MBNL1: variants seen among roughly 807,000 people sequenced by gnomAD.
MBNL1 encodes muscleblind-like protein 1.
MBNL1 carries 8 observed loss-of-function variants against 42.2 expected under a neutral mutation model. That is an observed-to-expected ratio of 0.19 (90% CI 0.11 to 0.34). The LOEUF (loss-of-function observed/expected upper bound fraction) is 0.34. Ranked by LOEUF, MBNL1 falls within the 10% of genes least tolerant of loss-of-function variation. The pLI, the probability that MBNL1 is intolerant of heterozygous loss-of-function variation, is 1.00. For missense variants in MBNL1, 309 were observed against 495.3 expected (o/e 0.62, Z 3.57); for synonymous variants, 169 against 173.9 (o/e 0.97, Z 0.22).
At chr3:152,310,493 A>G (rs915173405) in intron 2 of MBNL1, among the ~76,000 whole-genome samples, 10 of 152,238 alleles carry the variant, frequency 6.6e-5, no homozygotes, top group Non-Finnish European at 1.5e-4. Context: ...GTGACCTCGT[A>G]TAGACAAAAA....
At chr3:152,377,976 A>G (rs2096986976) in intron 2 of MBNL1, among the ~76,000 whole-genome samples, 1 of 152,182 alleles carries the variant, frequency 6.6e-6, no homozygotes, top group South Asian at 2.1e-4. Context: ...CCTGCTGTAT[A>G]TTGTTTTATG....
chr3:152,315,459 CAG>C (rs1221188801), intron 2 of MBNL1, among the ~76,000 whole-genome samples: 2 of 152,106 alleles, frequency 1.3e-5, no homozygotes, highest in African/African-American at 4.8e-5. Flanking sequence ...GAGGAAATTA[CAG>C]AGATAGAAAA....
chr3:152,392,372 G>T (rs899792061), intron 2 of MBNL1, among the ~76,000 whole-genome samples: 1 of 152,154 alleles, frequency 6.6e-6, no homozygotes, highest in African/African-American at 2.4e-5. Flanking sequence ...CATTGGAGTG[G>T]TGTTAATGGG....
chr3:152,248,232 C>G (rs1372641201), intron 2 of MBNL1, among the ~76,000 whole-genome samples: 1 of 151,914 alleles, frequency 6.6e-6, no homozygotes, highest in Non-Finnish European at 1.5e-5. Context: ...ATTGGAGGAG[C>G]AGCAAAAACA....
intron 6 of MBNL1, among the ~76,000 whole-genome samples, chr3:152,448,796 C>G (rs1185711496): frequency 6.6e-6 from 1 of 151,948 alleles, no homozygotes; most frequent in Non-Finnish European, 1.5e-5. Context: ...TTAATACTAA[C>G]CATAAGTTTT....
At chr3:152,389,484 G>T (rs946804850) in intron 2 of MBNL1, among the ~76,000 whole-genome samples, 4 of 152,086 alleles carry the variant, frequency 2.6e-5, no homozygotes, top group Admixed American at 1.3e-4. Context: ...TAGAGTATAC[G>T]TGCACACACC....
chr3:152,287,176 C>G (rs901653740), intron 1 of MBNL1, among the ~76,000 whole-genome samples: 1 of 150,882 alleles, frequency 6.6e-6, no homozygotes, highest in Admixed American at 6.6e-5. Context: ...GATCACACCA[C>G]TGCACTCCAG....
intron 1 of MBNL1, among the ~76,000 whole-genome samples, chr3:152,284,562 AAAAG>A (rs747440927): frequency 1.1e-4 from 17 of 151,984 alleles, no homozygotes; most frequent in Non-Finnish European, 2.2e-4. Context: ...CAGTTTTAAA[AAAAG>A]ATCGCAAAAA....
At chr3:152,430,649 A>AT (rs3836440) in intron 3 of MBNL1, among the ~76,000 whole-genome samples, 33,115 of 152,220 alleles carry the variant, frequency 0.22, 3,841 homozygotes, top group South Asian at 0.29. Context: ...TATATTCAGT[A>AT]TACAATCAAT....
At position 152,456,254 on chromosome 3, in the gene MBNL1, T is replaced by G. The variant is rs760286708; in HGVS notation, c.998-13T>G. On this transcript the variant is annotated splice_polypyrimidine_tract_variant and intron_variant, in intron 7 of 9. Coordinates refer to ENST00000324210, the MANE Select transcript of MBNL1 (RefSeq NM_021038.5). The stretch of plus-strand genomic sequence containing the variant: ...CTTCTGTATGTTCGCTTATATGATT[T>G]TCCCTCCGAAAGTTCCCATGGTGCA... 4 of 1,594,110 alleles carry G rather than the reference T, an allele frequency of 2.5e-6. No individual in the cohort carries two copies. Among genetic ancestry groups the G allele is most frequent in the Non-Finnish European group, 2.6e-6 (3 of 1,161,794 alleles).
Position 152,445,459 on chromosome 3 carries a change from T to C in MBNL1, c.727T>C (p.Leu243=). The change falls in exon 5 of 10, where the codon TTG becomes CTG. Residue 243 remains leucine, a synonymous_variant. Transcript: ENST00000324210. ...KCKYFHPPAH[L]QAKIKAAQYQ... The stretch of plus-strand genomic sequence containing the variant: ...CAAATACTTTCATCCCCCTGCACAT[T>C]TGCAAGCCAAGATCAAGGCTGCCCA... The C allele has an allele frequency of 1.9e-6, 3 of 1,614,056 alleles. No individual in the cohort carries two copies. The highest frequency in any genetic ancestry group is 2.5e-6 in the Non-Finnish European group (3 of 1,179,976).
intron 6 of MBNL1, among the ~76,000 whole-genome samples, chr3:152,451,672 A>G (rs1371436086): frequency 2.0e-5 from 3 of 152,184 alleles, no homozygotes; most frequent in African/African-American, 7.2e-5. Context: ...TTTAGATAGG[A>G]CACATACTGT....
rs774531679 is a variant in MBNL1, at chr3:152,319,175, G to A, written c.174+18808G>A. On this transcript the variant is annotated intron_variant, in intron 2 of 9. Transcript: ENST00000324210. The stretch of plus-strand genomic sequence containing the variant: ...TTCACGGAAAACCTTTTTTTGGGGG[G>A]CCTAAGTTTAAAATGTGTTTTTTCT... 3.3e-5 allele frequency among the ~76,000 whole-genome samples: 5 copies of A among 152,092 alleles called. No individual in the cohort carries two copies. The East Asian group carries it at 5.8e-4, about 18-fold the overall frequency.
At chr3:152,378,364 G>T (rs1006853934) in intron 2 of MBNL1, among the ~76,000 whole-genome samples, 1 of 151,950 alleles carries the variant, frequency 6.6e-6, no homozygotes, top group African/African-American at 2.4e-5. Context: ...GTATGTTCTA[G>T]CTACTCAAGA....
At chr3:152,402,300 C>T (rs1269727701) in intron 2 of MBNL1, among the ~76,000 whole-genome samples, 2 of 152,068 alleles carry the variant, frequency 1.3e-5, no homozygotes, top group Admixed American at 1.3e-4. Context: ...TATATATTCC[C>T]CCATTTAATA....
At chr3:152,380,232 T>C (rs370792512) in intron 2 of MBNL1, among the ~76,000 whole-genome samples, 4 of 152,138 alleles carry the variant, frequency 2.6e-5, no homozygotes, top group African/African-American at 9.7e-5. Context: ...GCCCACAGAA[T>C]TTAACATTAA....
At chr3:152,302,766 A>T (rs1474867520) in intron 2 of MBNL1, among the ~76,000 whole-genome samples, 4 of 152,162 alleles carry the variant, frequency 2.6e-5, no homozygotes, top group Non-Finnish European at 5.9e-5. Flanking sequence ...AATAATCCTG[A>T]CTTCTTTAAT....
intron 3 of MBNL1, among the ~76,000 whole-genome samples, chr3:152,426,791 A>G (rs2098938707): frequency 6.6e-6 from 1 of 152,222 alleles, no homozygotes; most frequent in Admixed American, 6.5e-5. Context: ...TGTGCATTAC[A>G]TGAACTTTGA....
rs113994317 is a variant in MBNL1, at chr3:152,391,773, T to G, written c.175-23168T>G. ...ATGAGAGGTGAAAAGGCAACTTTGA[T>G]TAGTAAAGTGCTGACATCCCAGTTG... On this transcript the variant is annotated intron_variant, in intron 2 of 9. Transcript: ENST00000324210. Among the ~76,000 whole-genome samples the G allele has an allele frequency of 5.5e-3, 844 of 152,308 alleles. 9 individuals are homozygous for G. Among genetic ancestry groups the G allele is most frequent in the African/African-American group, 0.02 (815 of 41,558 alleles).
Sources: allele counts gnomAD v4.1 joint callset (sites outside exome capture counted in the v4.1 genomes callset), GRCh38; gene constraint gnomAD v4.1.1; transcripts MANE v1.5; gene names NCBI Gene and HGNC (gene_info 2026-07-23, HGNC 2026-07-21).